Variants in OPCML observed in about 807,000 individuals in gnomAD.
The protein encoded by OPCML is opioid-binding protein/cell adhesion molecule.
OPCML carries 13 observed loss-of-function variants against 37.8 expected under a neutral mutation model. The ratio of observed to expected loss-of-function variants is 0.34; its 90% CI spans 0.22 to 0.55. OPCML has a LOEUF of 0.55. OPCML is among the 20% of genes least tolerant of loss of function. OPCML has a pLI of 0.91. For missense variants in OPCML, 341 were observed against 435.6 expected (o/e 0.78, Z 1.93); for synonymous variants, 176 against 168.8 (o/e 1.04, Z -0.33).
At chr11:132,948,783 C>A (rs978193665) in intron 1 of OPCML, among the ~76,000 whole-genome samples, 1 of 152,038 alleles carries the variant, frequency 6.6e-6, no homozygotes, top group Non-Finnish European at 1.5e-5. Context: ...CGTTATGTAG[C>A]CAAACTCCCA....
At chr11:132,842,331 T>C (rs1446352198) in intron 2 of OPCML, among the ~76,000 whole-genome samples, 2 of 152,182 alleles carry the variant, frequency 1.3e-5, no homozygotes, top group African/African-American at 4.8e-5. Context: ...GTCACGCTGA[T>C]GGAATGATAT....
intron 1 of OPCML, among the ~76,000 whole-genome samples, chr11:133,271,325 C>A (rs942987038): frequency 6.6e-6 from 1 of 152,284 alleles, no homozygotes; most frequent in African/African-American, 2.4e-5. Flanking sequence ...AGGGATAAAG[C>A]ACACACACAA....
intron 2 of OPCML, among the ~76,000 whole-genome samples, chr11:132,787,469 G>A (rs1947253755): frequency 6.6e-6 from 1 of 152,070 alleles, no homozygotes; most frequent in South Asian, 2.1e-4. Context: ...AAATCGCATA[G>A]CTTTGTTCAG....
At chr11:133,001,079 A>G (rs905782636) in intron 1 of OPCML, among the ~76,000 whole-genome samples, 13 of 152,230 alleles carry the variant, frequency 8.5e-5, no homozygotes, top group African/African-American at 3.1e-4. Context: ...TACAGTCTGC[A>G]GAACCATGAG....
intron 1 of OPCML, among the ~76,000 whole-genome samples, chr11:133,295,407 C>T (rs1163734307): frequency 1.3e-5 from 2 of 152,078 alleles, no homozygotes; most frequent in South Asian, 2.1e-4. Flanking sequence ...GGCTTTACAC[C>T]GATCTGAACT....
intron 3 of OPCML, among the ~76,000 whole-genome samples, chr11:132,650,220 C>T (rs1941358199): frequency 6.6e-6 from 1 of 152,154 alleles, no homozygotes; most frequent in Non-Finnish European, 1.5e-5. Context: ...GACACTAAAT[C>T]CTAAAGCCTC....
chr11:132,969,468 T>C (rs867751613), intron 1 of OPCML, among the ~76,000 whole-genome samples: 1 of 152,194 alleles, frequency 6.6e-6, no homozygotes, highest in African/African-American at 2.4e-5. Context: ...TCAATTTTTC[T>C]ATCAAGTTTT....
intron 2 of OPCML, among the ~76,000 whole-genome samples, chr11:132,880,203 A>C (rs1943174579): frequency 6.6e-6 from 1 of 152,086 alleles, no homozygotes; most frequent in Non-Finnish European, 1.5e-5. Context: ...AAATTAAATA[A>C]TTTTTTAAAT....
intron 2 of OPCML, among the ~76,000 whole-genome samples, chr11:132,809,940 C>T (rs573290786): frequency 3.2e-4 from 48 of 152,306 alleles, no homozygotes; most frequent in Non-Finnish European, 6.5e-4. Context: ...GGCTCCGCCT[C>T]CCGGGTTCAC....
rs555286596 is a variant in OPCML at position 133,052,869 on chromosome 11, G to A, written c.62-109859C>T. 3.9e-5 allele frequency among the ~76,000 whole-genome samples: 6 copies of A among 152,370 alleles called. No homozygotes were observed. In the East Asian group the frequency reaches 5.8e-4, roughly 15 times the overall value. On this transcript the variant is annotated intron_variant, in intron 1 of 7. Coordinates refer to ENST00000524381, the MANE Select transcript of OPCML (RefSeq NM_001012393.5). ...AAGCAGAGGCCTGAGCCCAGGGATGGAGAGGATCCTAATTACACCATTTGA... is the reference window on the plus strand; with the variant it reads ...AAGCAGAGGCCTGAGCCCAGGGATGAAGAGGATCCTAATTACACCATTTGA...
At chr11:132,986,767 G>C (rs990567139) in intron 1 of OPCML, among the ~76,000 whole-genome samples, 1 of 152,094 alleles carries the variant, frequency 6.6e-6, no homozygotes, top group Admixed American at 6.5e-5. Context: ...GTAATCGAGA[G>C]TTAATTACCA....
intron 7 of OPCML, 26 bp from the exon 8 acceptor site, chr11:132,420,319 C>A (rs1185171448): frequency 2.5e-6 from 4 of 1,612,078 alleles, no homozygotes; most frequent in Non-Finnish European, 3.4e-6. Flanking sequence ...AGAGACAGAC[C>A]CATTAGCATA....
chr11:133,303,966 C>T lies in OPCML; in HGVS notation c.61+228298G>A, dbSNP rs143049162. On this transcript the variant is annotated intron_variant, in intron 1 of 7. Coordinates refer to ENST00000524381, the MANE Select transcript of OPCML (RefSeq NM_001012393.5). ...CTATGTTTTTGGTTGTAGATTTAAA[C>T]TTTAATAACTACTGGAACACTTAAT... Among the ~76,000 whole-genome samples, 319 of 152,314 alleles carry T rather than the reference C, an allele frequency of 2.1e-3. 2 individuals are homozygous for T. Among genetic ancestry groups the T allele is most frequent in the African/African-American group, 7.2e-3 (299 of 41,574 alleles).
In OPCML at chr11:132,891,880, C is replaced by T. The variant is rs79157743; in HGVS notation, c.146+51046G>A. Among the ~76,000 whole-genome samples, 853 of 152,262 alleles carry T rather than the reference C, an allele frequency of 5.6e-3. 8 individuals carry two copies. Among genetic ancestry groups the T allele is most frequent in the African/African-American group, 0.018 (767 of 41,554 alleles). On this transcript the variant is annotated intron_variant, in intron 2 of 7. Coordinates refer to ENST00000524381, the MANE Select transcript of OPCML (RefSeq NM_001012393.5). ...CTGTAAACATCCTCTCTTCATCCCG[C>T]CCATCCTCTCCCACCCACACCCCTG...
chr11:132,687,369 C>CATATATAT (rs56834972), intron 2 of OPCML, among the ~76,000 whole-genome samples: 7 of 49,432 alleles, frequency 1.4e-4, no homozygotes, highest in Non-Finnish European at 2.1e-4. Flanking sequence ...CCTTAAGCTA[C>CATATATAT]ATATATATAT....
chr11:133,215,858 G>A (rs1939563531), intron 1 of OPCML, among the ~76,000 whole-genome samples: 1 of 152,164 alleles, frequency 6.6e-6, no homozygotes, highest in Non-Finnish European at 1.5e-5. Flanking sequence ...TGCACAAGCC[G>A]CTAAATGAAG....
intron 7 of OPCML, among the ~76,000 whole-genome samples, chr11:132,425,604 C>T (rs1345316419): frequency 6.6e-6 from 1 of 152,194 alleles, no homozygotes; most frequent in African/African-American, 2.4e-5. Context: ...TGAGTTGGAA[C>T]TAAGGCAAGA....
At chr11:132,664,493 G>A (rs570606029) in intron 2 of OPCML, among the ~76,000 whole-genome samples, 14 of 152,268 alleles carry the variant, frequency 9.2e-5, no homozygotes, top group African/African-American at 3.4e-4. Context: ...TAAATTGAGA[G>A]TTAATTGAAT....
intron 1 of OPCML, among the ~76,000 whole-genome samples, chr11:133,529,913 C>T (rs1429231511): frequency 3.3e-5 from 5 of 152,338 alleles, no homozygotes; most frequent in South Asian, 4.1e-4. Context: ...CCTCAAGATG[C>T]GAAGCGTTCT....
Sources: gnomAD v4.1 joint callset for allele counts (sites outside exome capture counted in the v4.1 genomes callset) on GRCh38, gnomAD v4.1.1 for gene constraint, MANE v1.5 for transcripts, NCBI Gene and HGNC (gene_info 2026-07-23, HGNC 2026-07-21) for gene names.